KAT6B: variants seen among roughly 807,000 people sequenced by gnomAD.
KAT6B encodes lysine acetyltransferase 6B.
Under a neutral mutation model 187.5 loss-of-function variants are expected in KAT6B, and 10 were observed. The ratio of observed to expected loss-of-function variants is 0.05; its 90% CI spans 0.03 to 0.09. The LOEUF (loss-of-function observed/expected upper bound fraction) is 0.09. Ranked by LOEUF, KAT6B falls within the 10% of genes least tolerant of loss-of-function variation. The pLI is 1.00. For synonymous variants in KAT6B, 861 were observed against 926.8 expected (o/e 0.93, Z 1.29); for missense variants, 1,952 against 2,558.9 (o/e 0.76, Z 5.12).
intron 4 of KAT6B, among the ~76,000 whole-genome samples, chr10:74,962,336 G>T (rs1035948108): frequency 6.6e-6 from 1 of 152,150 alleles, no homozygotes; most frequent in Non-Finnish European, 1.5e-5. Flanking sequence ...AAGGAAAAAA[G>T]AAAACAATAG....
intron 3 of KAT6B, among the ~76,000 whole-genome samples, chr10:74,925,381 T>A (rs1813904610): frequency 6.6e-6 from 1 of 151,944 alleles, no homozygotes; most frequent in South Asian, 2.1e-4. Flanking sequence ...TCCATACTTC[T>A]CCCTCCTCTC....
chr10:75,027,087 C>T (rs900059078), intron 17 of KAT6B, among the ~76,000 whole-genome samples: 1 of 151,978 alleles, frequency 6.6e-6, no homozygotes, highest in African/African-American at 2.4e-5. Flanking sequence ...TGCAGTGAGC[C>T]GAGATCATGC....
intron 3 of KAT6B, among the ~76,000 whole-genome samples, chr10:74,872,079 T>C (rs2132416806): frequency 6.6e-6 from 1 of 152,296 alleles, no homozygotes; most frequent in East Asian, 1.9e-4. Flanking sequence ...TAAATTATCC[T>C]TTACTAACAG....
At chr10:74,902,154 C>T (rs541355755) in intron 3 of KAT6B, among the ~76,000 whole-genome samples, 2 of 152,168 alleles carry the variant, frequency 1.3e-5, no homozygotes, top group African/African-American at 4.8e-5. Context: ...GCCCATAGCT[C>T]CTCTTTACTA....
chr10:74,980,895 A>G (rs985950656), intron 10 of KAT6B, among the ~76,000 whole-genome samples: 1 of 152,238 alleles, frequency 6.6e-6, no homozygotes, highest in Non-Finnish European at 1.5e-5. Flanking sequence ...TAGACCATAT[A>G]TAAATCTCTG....
At chr10:74,962,864 T>TA (rs1335583610) in intron 4 of KAT6B, among the ~76,000 whole-genome samples, 1 of 150,876 alleles carries the variant, frequency 6.6e-6, no homozygotes, top group Non-Finnish European at 1.5e-5. Flanking sequence ...TAAAAATTCT[T>TA]TAAAAAAAAA....
chr10:74,914,669 A>T (rs765481529), intron 3 of KAT6B, among the ~76,000 whole-genome samples: 1 of 152,240 alleles, frequency 6.6e-6, no homozygotes, highest in African/African-American at 2.4e-5. Context: ...AAAGGGCTGC[A>T]TAGTTAGGAT....
chr10:75,019,112 C>T (rs924534512), intron 13 of KAT6B, among the ~76,000 whole-genome samples: 1 of 152,206 alleles, frequency 6.6e-6, no homozygotes. Context: ...TCCTGACACA[C>T]TGCTATTGAA....
intron 3 of KAT6B, among the ~76,000 whole-genome samples, chr10:74,877,053 A>C (rs971572193): frequency 2.7e-5 from 4 of 149,860 alleles, no homozygotes; most frequent in African/African-American, 4.9e-5. Flanking sequence ...TGCAACCTCT[A>C]CCTGCCGGTT....
At chr10:74,922,350 C>T (rs1848196770) in intron 3 of KAT6B, among the ~76,000 whole-genome samples, 2 of 152,024 alleles carry the variant, frequency 1.3e-5, no homozygotes, top group African/African-American at 4.8e-5. Context: ...TATAAAGAAA[C>T]CTGTCAAATT....
At chr10:74,917,708 G>A (rs1410811407) in intron 3 of KAT6B, among the ~76,000 whole-genome samples, 2 of 152,236 alleles carry the variant, frequency 1.3e-5, no homozygotes, top group African/African-American at 4.8e-5. Context: ...CTGAATAACA[G>A]TGTTGAGGCA....
intron 13 of KAT6B, among the ~76,000 whole-genome samples, chr10:75,011,510 G>A (rs1429777525): frequency 1.3e-5 from 2 of 152,132 alleles, no homozygotes; most frequent in African/African-American, 4.8e-5. Flanking sequence ...GAACAATTTG[G>A]TTACTTCAAC....
chr10:74,931,821 C>G (rs1848902931), intron 3 of KAT6B, among the ~76,000 whole-genome samples: 1 of 152,222 alleles, frequency 6.6e-6, no homozygotes, highest in African/African-American at 2.4e-5. Context: ...AGCGATTCTT[C>G]TACCTCAGCC....
chr10:74,925,643 T>C (rs1452043616), intron 3 of KAT6B, among the ~76,000 whole-genome samples: 6 of 152,192 alleles, frequency 3.9e-5, no homozygotes, highest in East Asian at 1.9e-4. Flanking sequence ...AAATTGTCTA[T>C]ACAAGTTGAT....
At chr10:74,924,293 C>T (rs970082108) in intron 3 of KAT6B, among the ~76,000 whole-genome samples, 15 of 152,126 alleles carry the variant, frequency 9.9e-5, no homozygotes, top group African/African-American at 3.6e-4. Flanking sequence ...TGGAATACTT[C>T]GTTAAAAACT....
intron 3 of KAT6B, among the ~76,000 whole-genome samples, chr10:74,915,499 C>G (rs1847606466): frequency 1.3e-5 from 2 of 152,222 alleles, no homozygotes; most frequent in South Asian, 4.1e-4. Context: ...TGACTAGGTT[C>G]TGAGCTTCCT....
intron 2 of KAT6B, among the ~76,000 whole-genome samples, chr10:74,841,935 T>C (rs1020360110): frequency 6.6e-6 from 1 of 152,252 alleles, no homozygotes; most frequent in African/African-American, 2.4e-5. Context: ...GATTTGTATA[T>C]ATCTTCTTTG....
At chr10:75,012,356 A>G (rs1186069084) in intron 13 of KAT6B, among the ~76,000 whole-genome samples, 1 of 152,144 alleles carries the variant, frequency 6.6e-6, no homozygotes, top group Non-Finnish European at 1.5e-5. Context: ...CTGAGGTGGG[A>G]GGATTTCTTG....
At chr10:74,853,784 C>G (rs555376169) in intron 3 of KAT6B, among the ~76,000 whole-genome samples, 1 of 151,774 alleles carries the variant, frequency 6.6e-6, no homozygotes, top group Non-Finnish European at 1.5e-5. Context: ...TGTGCCACCA[C>G]TCCTGGCTAA....
Sources: gnomAD v4.1 joint callset for allele counts (sites outside exome capture counted in the v4.1 genomes callset) on GRCh38, gnomAD v4.1.1 for gene constraint, MANE v1.5 for transcripts, NCBI Gene and HGNC (gene_info 2026-07-23, HGNC 2026-07-21) for gene names.